Variants in CTNNB1 observed in about 807,000 individuals in gnomAD.
CTNNB1 encodes catenin beta 1.
In CTNNB1, 6 loss-of-function variants were observed where a neutral mutation model predicts 82.5. That is an observed-to-expected ratio of 0.07 (90% CI 0.04 to 0.14). The LOEUF (loss-of-function observed/expected upper bound fraction) is 0.14, where lower values mean the gene tolerates loss of function less well. CTNNB1 is among the 10% of genes least tolerant of loss of function. The pLI is 1.00. For synonymous variants in CTNNB1, 312 were observed against 329.7 expected, an observed-to-expected ratio of 0.95 and a Z score of 0.58; for missense variants, 529 against 980.4, an observed-to-expected ratio of 0.54 and a Z score of 6.15.
intron 7 of CTNNB1, 97 bp downstream of exon 7, chr3:41,227,449 A>G (rs1458115948): frequency 2.0e-5 from 26 of 1,283,096 alleles, no homozygotes; most frequent in Non-Finnish European, 2.8e-5. Flanking sequence ...TTAACTACTG[A>G]AAATAAATGG....
chr3:41,234,336 G>A (rs539108134), intron 10 of CTNNB1, 39 bp downstream of exon 10: 10 of 1,608,220 alleles, frequency 6.2e-6, no homozygotes, highest in African/African-American at 2.7e-5. Flanking sequence ...CTATCTAAAA[G>A]GAATGCATAA....
chr3:41,227,140 A>G, intron 6 of CTNNB1, 68 bp from the exon 7 acceptor site: 2 of 1,316,972 alleles, frequency 1.5e-6, no homozygotes, highest in Admixed American at 1.7e-5. Flanking sequence ...TAGGTTGGTA[A>G]TATGGCTCTT....
At chr3:41,224,906 G>C (rs764119976) in intron 3 of CTNNB1, 48 bp from the exon 4 acceptor site, 1 of 1,613,118 alleles carries the variant, frequency 6.2e-7, no homozygotes, top group Non-Finnish European at 8.5e-7. Flanking sequence ...CAAATACTTA[G>C]GTAAATGCTG....
rs1463690576 is a variant in CTNNB1 at position 41,225,454 on chromosome 3, A to G, written c.616A>G (p.Asn206Asp). The part of the protein sequence containing the change: ...SAIVRTMQNT[N>D]DVETARCTAG... Reference sequence around the variant, plus strand: ...TATTGTACGTACCATGCAGAATACAAATGATGTAGAAACAGCTCGTTGTAC... The same window carrying G: ...TATTGTACGTACCATGCAGAATACAGATGATGTAGAAACAGCTCGTTGTAC... The change falls in exon 5 of 15, where the codon AAT becomes GAT. Residue 206 changes from asparagine to aspartate, a missense_variant. Around this residue, in one of 4 missense-constraint regions of CTNNB1, gnomAD observed 411 missense variants for 776.4 expected, o/e 0.53. Transcript: ENST00000349496. The surrounding 1 kb of genome is among the most constrained non-coding windows in gnomAD (Gnocchi z 5.3). 1 of 1,613,848 alleles carries G rather than the reference A, an allele frequency of 6.2e-7. No individual in the cohort carries two copies. The highest frequency in any genetic ancestry group is 8.5e-7 in the Non-Finnish European group (1 of 1,179,964).
At chr3:41,202,772 A>C (rs1346238590) in intron 1 of CTNNB1, among the ~76,000 whole-genome samples, 1 of 152,088 alleles carries the variant, frequency 6.6e-6, no homozygotes. Flanking sequence ...GTTGATCTAA[A>C]TGAGTATAGG....
At position 41,227,316 on chromosome 3, in the gene CTNNB1, G is replaced by A. The variant is rs2125628170; in HGVS notation, c.1045G>A (p.Val349Ile). The change falls in exon 7 of 15, where the codon GTC becomes ATC. Residue 349 changes from valine (V) to isoleucine (I), a missense_variant. Around this residue, in one of 4 missense-constraint regions of CTNNB1, gnomAD observed 411 missense variants for 776.4 expected, o/e 0.53. Coordinates refer to ENST00000349496, the MANE Select transcript of CTNNB1 (RefSeq NM_001904.4). ...TTSRVLKVLSVCSSNKPAIVE... is the reference protein window; with the variant it reads ...TTSRVLKVLSICSSNKPAIVE... ...AAGCAGAGTGCTGAAGGTGCTATCT[G>A]TCTGCTCTAGTAATAAGCCGGCTAT... is the stretch of plus-strand genomic sequence containing the variant. 6.2e-7 allele frequency: 1 copy of A among 1,613,918 alleles called. No homozygotes were observed. Among genetic ancestry groups the A allele is most frequent in the Non-Finnish European group, 8.5e-7 (1 of 1,179,858 alleles).
In CTNNB1 at chr3:41,227,243, A is replaced by G. The variant is rs921625782; in HGVS notation, c.972A>G (p.Leu324=). 2 of 1,612,426 alleles carry G rather than the reference A, an allele frequency of 1.2e-6. No homozygotes were observed. Among genetic ancestry groups the G allele is most frequent in the African/African-American group, 1.3e-5 (1 of 74,982 alleles). ...IILASGGPQA[L]VNIMRTYTYE... ...TGGCTAGTGGTGGACCCCAAGCTTT[A>G]GTAAATATAATGAGGACCTATACTT... is the stretch of plus-strand genomic sequence containing the variant. The change falls in exon 7 of 15, where the codon TTA becomes TTG. Residue 324 remains leucine (L), a synonymous_variant. Transcript: ENST00000349496.
chr3:41,232,040 GGCAGGCTAGA>G (rs1252975639), intron 7 of CTNNB1, among the ~76,000 whole-genome samples: 1 of 152,168 alleles, frequency 6.6e-6, no homozygotes, highest in African/African-American at 2.4e-5. Flanking sequence ...ATGCAAGAGA[GGCAGGCTAGA>G]GATTTGGAAG....
chr3:41,230,263 G>A (rs2078277804), intron 7 of CTNNB1, among the ~76,000 whole-genome samples: 1 of 152,152 alleles, frequency 6.6e-6, no homozygotes, highest in Admixed American at 6.5e-5. Flanking sequence ...GCAGTAACCT[G>A]TAATGTAGGC....
intron 1 of CTNNB1, among the ~76,000 whole-genome samples, chr3:41,215,398 A>C (rs1357416185): frequency 6.6e-6 from 1 of 150,464 alleles, no homozygotes; most frequent in African/African-American, 2.4e-5. Context: ...AAAAAAAAAA[A>C]AAAAAACACT....
Position 41,224,671 on chromosome 3 carries a change from G to A in CTNNB1, c.159G>A (p.Glu53=), listed in dbSNP as rs2125617824. 1 of 1,613,990 alleles carries A rather than the reference G, an allele frequency of 6.2e-7. No individual in the cohort carries two copies. The highest frequency in any genetic ancestry group is 8.5e-7 in the Non-Finnish European group (1 of 1,179,966). ...CTCTGAGTGGTAAAGGCAATCCTGA[G>A]GAAGAGGATGTGGATACCTCCCAAG... ...APSLSGKGNP[E]EEDVDTSQVL... is the part of the protein sequence containing the mutation. The change falls in exon 3 of 15, where the codon GAG becomes GAA. Residue 53 remains glutamate, a synonymous_variant. Coordinates refer to ENST00000349496, the MANE Select transcript of CTNNB1 (RefSeq NM_001904.4).
intron 1 of CTNNB1, chr3:41,220,403 C>T (rs1331366423): frequency 6.8e-6 from 1 of 146,398 alleles, no homozygotes; most frequent in African/African-American, 2.5e-5. Context: ...CACCCACACC[C>T]TCACCCACCC....
At chr3:41,231,517 C>A (rs1387813155) in intron 7 of CTNNB1, among the ~76,000 whole-genome samples, 1 of 152,072 alleles carries the variant, frequency 6.6e-6, no homozygotes, top group Non-Finnish European at 1.5e-5. Flanking sequence ...ATGCTTTATT[C>A]CAGCTTTGGA....
At chr3:41,202,304 T>G (rs1381375754) in intron 1 of CTNNB1, among the ~76,000 whole-genome samples, 1 of 152,198 alleles carries the variant, frequency 6.6e-6, no homozygotes, top group Non-Finnish European at 1.5e-5. Context: ...GTTTGTACTT[T>G]GAGCTTAGTC....
chr3:41,230,733 CTT>C lies in CTNNB1; in HGVS notation c.1082-2607_1082-2606del, dbSNP rs540435069. Among the ~76,000 whole-genome samples, 419 of 152,236 alleles carry C rather than the reference CTT, an allele frequency of 2.8e-3. 2 individuals are homozygous for C. The highest frequency in any genetic ancestry group is 9.0e-3 in the African/African-American group (374 of 41,536). On this transcript the variant is annotated intron_variant, in intron 7 of 14. Coordinates refer to ENST00000349496, the MANE Select transcript of CTNNB1 (RefSeq NM_001904.4). ...ACTGCAGGATGAGAGGGAACCGTCT[CTT>C]GTCTATATGAGAAGTGAGGGTTAAA...
intron 1 of CTNNB1, among the ~76,000 whole-genome samples, chr3:41,214,344 G>T (rs2077866300): frequency 6.6e-6 from 1 of 151,336 alleles, no homozygotes; most frequent in Admixed American, 6.6e-5. Flanking sequence ...CCATTGGGAG[G>T]ATCTGATTGC....
rs1575314689 is a variant in CTNNB1 at position 41,224,212 on chromosome 3, G to C, written c.13+131G>C. The C allele has an allele frequency of 1.5e-5, 17 of 1,122,752 alleles. No individual in the cohort carries two copies. The East Asian group carries it at 4.0e-4, about 26-fold the overall frequency. 69.5% of individuals were successfully genotyped at this position (1,122,752 alleles called of 1,614,324 possible). On this transcript the variant is annotated intron_variant, in intron 2 of 14. Transcript: ENST00000349496. ...CAGGCTACCTTTTGCTCCATTTTCT[G>C]CTCACTCCTCCTAATGGCTTGGTGA...
chr3:41,235,563 T>C (rs1050337816), intron 10 of CTNNB1, 161 bp from the exon 11 acceptor site: 1 of 911,440 alleles, frequency 1.1e-6, no homozygotes, highest in South Asian at 1.4e-5. Flanking sequence ...GAGGCCTCTT[T>C]TCAGTGACAT....
rs192619097 is a variant in CTNNB1 at position 41,221,202 on chromosome 3, T to C, written c.-48-2819T>C. On this transcript the variant is annotated intron_variant, in intron 1 of 14. Coordinates refer to ENST00000349496, the MANE Select transcript of CTNNB1 (RefSeq NM_001904.4). ...AATGATAATCTGTGTCTTGAAACAT[T>C]TAGCGTAGTACTTATACAAACCTAG... The C allele has an allele frequency of 1.1e-4, 16 of 152,302 alleles. No individual in the cohort carries two copies. The East Asian group carries it at 2.9e-3, about 28-fold the overall frequency. 9.4% of individuals were successfully genotyped at this position (152,302 alleles called of 1,614,324 possible).
Sources: allele counts gnomAD v4.1 joint callset (sites outside exome capture counted in the v4.1 genomes callset), GRCh38; gene constraint gnomAD v4.1.1; regional missense constraint gnomAD v4.1.1; non-coding constraint Gnocchi (gnomAD v3.1); transcripts MANE v1.5; gene names NCBI Gene and HGNC (gene_info 2026-07-23, HGNC 2026-07-21).